KIF26B: variants seen among roughly 807,000 people sequenced by gnomAD.
The protein encoded by KIF26B is kinesin family member 26B, also known as kinesin-like protein KIF26B.
In KIF26B, 63 loss-of-function variants were observed where a neutral mutation model predicts 151.2. That is an observed-to-expected ratio of 0.42 (90% CI 0.34 to 0.51). The LOEUF (loss-of-function observed/expected upper bound fraction) is 0.51. Among genes scored for constraint, KIF26B ranks in the 20% least tolerant of loss-of-function variants. The pLI is 0.07. For missense variants in KIF26B, 2,813 were observed against 2,913.6 expected, an observed-to-expected ratio of 0.97 and a Z score of 0.79; for synonymous variants, 1,357 against 1,262.1, an observed-to-expected ratio of 1.08 and a Z score of -1.59.
rs79341193 is a variant in KIF26B, at chr1:245,185,054, G to A, written c.465+28371G>A. Among the ~76,000 whole-genome samples the A allele has an allele frequency of 9.8e-3, 1,485 of 152,056 alleles. 28 individuals carry two copies. Among genetic ancestry groups the A allele is most frequent in the African/African-American group, 0.034 (1,407 of 41,458 alleles). Reference sequence around the variant, plus strand: ...AGCGTTCAGAGCCAAATTTTTTATTGCTTCTCTGGGATTATGCTAATCATT... The same window carrying A: ...AGCGTTCAGAGCCAAATTTTTTATTACTTCTCTGGGATTATGCTAATCATT... On this transcript the variant is annotated intron_variant, in intron 2 of 14. Transcript: ENST00000407071.
chr1:245,380,443 C>T lies in KIF26B; in HGVS notation c.999+13076C>T, dbSNP rs561207200. On this transcript the variant is annotated intron_variant, in intron 3 of 14. Transcript: ENST00000407071. ...TCACCTTCACTAGGCTGCTCCCCAC[C>T]GTCCATTAGGCTGCAAGGCGCTGCG... 3.2e-4 allele frequency among the ~76,000 whole-genome samples: 48 copies of T among 152,356 alleles called. 1 individual carries two copies. The highest frequency in any genetic ancestry group is 1.1e-3 in the African/African-American group (45 of 41,574).
At chr1:245,533,173 A>C (rs909139382) in intron 4 of KIF26B, among the ~76,000 whole-genome samples, 3 of 152,188 alleles carry the variant, frequency 2.0e-5, no homozygotes, top group Non-Finnish European at 4.4e-5. Context: ...AGAACATTGA[A>C]ATAGTTCTAT....
intron 2 of KIF26B, among the ~76,000 whole-genome samples, chr1:245,306,990 A>G (rs771249818): frequency 1.3e-5 from 2 of 152,214 alleles, no homozygotes; most frequent in Non-Finnish European, 2.9e-5. Context: ...TACTGTTTTT[A>G]CTAATCTCTT....
intron 9 of KIF26B, among the ~76,000 whole-genome samples, chr1:245,637,487 T>C (rs1330661734): frequency 6.6e-6 from 1 of 152,108 alleles, no homozygotes; most frequent in African/African-American, 2.4e-5. Flanking sequence ...CTTTGTTGTT[T>C]CCTGTTCTGT....
At chr1:245,576,903 C>A (rs1362621121) in intron 5 of KIF26B, among the ~76,000 whole-genome samples, 1 of 152,158 alleles carries the variant, frequency 6.6e-6, no homozygotes, top group Non-Finnish European at 1.5e-5. Flanking sequence ...AATGCCATTT[C>A]TCACATCTTT....
chr1:245,609,500 T>A lies in KIF26B; in HGVS notation c.1886T>A (p.Leu629His), dbSNP rs1191411128. The A allele has an allele frequency of 1.3e-6, 2 of 1,580,600 alleles. No individual in the cohort carries two copies. Among genetic ancestry groups the A allele is most frequent in the Non-Finnish European group, 8.6e-7 (1 of 1,161,834 alleles). The change falls in exon 8 of 15, where the codon CTC (leucine) becomes CAC (histidine). Residue 629 changes from leucine (L) to histidine (H), a missense_variant. By Grantham distance (99) the Leu-to-His change is moderately conservative. Coordinates refer to ENST00000407071, the MANE Select transcript of KIF26B (RefSeq NM_018012.4). The part of the protein sequence containing the change: ...LQDGQSPGVY[L>H]CEDPICGTQL... ...GACGGCCAGTCCCCGGGCGTGTACC[T>A]CTGTGAGGACCCCATCTGCGGCACG...
chr1:245,256,365 A>G (rs1235300044), intron 2 of KIF26B, among the ~76,000 whole-genome samples: 2 of 152,204 alleles, frequency 1.3e-5, no homozygotes, highest in South Asian at 2.1e-4. Context: ...ACCTGGAAGC[A>G]AAATGTTGAA....
chr1:245,416,058 G>C (rs1674408242), intron 3 of KIF26B, among the ~76,000 whole-genome samples: 1 of 149,718 alleles, frequency 6.7e-6, no homozygotes, highest in African/African-American at 2.5e-5. Flanking sequence ...CCTGAGGTCG[G>C]GAGTTCGAGA....
intron 2 of KIF26B, among the ~76,000 whole-genome samples, chr1:245,204,474 A>G (rs891443380): frequency 1.3e-5 from 2 of 151,920 alleles, no homozygotes; most frequent in African/African-American, 4.8e-5. Flanking sequence ...CCCAGGTTCA[A>G]GCAATTCTCC....
chr1:245,374,936 G>A (rs867653036), intron 3 of KIF26B, among the ~76,000 whole-genome samples: 8 of 152,094 alleles, frequency 5.3e-5, no homozygotes, highest in Non-Finnish European at 7.3e-5. Context: ...CAATCTGGGC[G>A]TTTGCTTGGT....
In KIF26B at chr1:245,245,644, A is replaced by C. The variant is rs12022379; in HGVS notation, c.465+88961A>C. 3.6e-3 allele frequency among the ~76,000 whole-genome samples: 543 copies of C among 152,120 alleles called. 13 individuals are homozygous for C. In the East Asian group the frequency reaches 0.076, roughly 21 times the overall value. ...CATCTCTACAAAAATACAACAACAA[A>C]AAAAATTGCTGGGTGCGGTGGCTCA... On this transcript the variant is annotated intron_variant, in intron 2 of 14. Transcript: ENST00000407071.
chr1:245,348,803 G>A (rs974308824), intron 2 of KIF26B, among the ~76,000 whole-genome samples: 11 of 151,912 alleles, frequency 7.2e-5, no homozygotes, highest in African/African-American at 1.5e-4. Flanking sequence ...TCCCAGTTAC[G>A]CCAACTCGCC....
At chr1:245,497,830 G>A (rs543367136) in intron 4 of KIF26B, among the ~76,000 whole-genome samples, 4 of 152,086 alleles carry the variant, frequency 2.6e-5, no homozygotes, top group East Asian at 3.9e-4. Context: ...TGCAACCTCC[G>A]CCTCCTGGGT....
At chr1:245,630,438 T>C (rs1258007638) in intron 9 of KIF26B, among the ~76,000 whole-genome samples, 1 of 152,154 alleles carries the variant, frequency 6.6e-6, no homozygotes, top group Non-Finnish European at 1.5e-5. Flanking sequence ...TGCAGGGACA[T>C]GGATGAAGCT....
chr1:245,265,035 T>C (rs543557280), intron 2 of KIF26B, among the ~76,000 whole-genome samples: 2 of 150,298 alleles, frequency 1.3e-5, no homozygotes, highest in Non-Finnish European at 3.0e-5. Flanking sequence ...CCGTCTCTAC[T>C]AAAAATACAA....
intron 2 of KIF26B, among the ~76,000 whole-genome samples, chr1:245,366,293 G>T (rs1366783739): frequency 6.6e-6 from 1 of 152,182 alleles, no homozygotes; most frequent in African/African-American, 2.4e-5. Context: ...AGCACTTTGG[G>T]AGGCCGAGGC....
At chr1:245,196,580 A>C (rs1346428793) in intron 2 of KIF26B, among the ~76,000 whole-genome samples, 4 of 152,106 alleles carry the variant, frequency 2.6e-5, no homozygotes, top group Admixed American at 2.6e-4. Flanking sequence ...TGGGCCTCAG[A>C]ACTCGCATTT....
At chr1:245,261,878 C>T (rs115035764) in intron 2 of KIF26B, among the ~76,000 whole-genome samples, 517 of 152,144 alleles carry the variant, frequency 3.4e-3, no homozygotes, top group African/African-American at 0.012. Context: ...CCACCATGCC[C>T]GGCTCAACCC....
At position 245,327,205 on chromosome 1, in the gene KIF26B, C is replaced by A. The variant is rs531685793; in HGVS notation, c.466-39629C>A. The stretch of plus-strand genomic sequence containing the variant: ...TGAGGAGCCCTGAATCTCGAGCTTC[C>A]TTTAGCTTTACAGTGATTCAGTCTC... On this transcript the variant is annotated intron_variant, in intron 2 of 14. Coordinates refer to ENST00000407071, the MANE Select transcript of KIF26B (RefSeq NM_018012.4). Among the ~76,000 whole-genome samples, 9 of 152,324 alleles carry A rather than the reference C, an allele frequency of 5.9e-5. No individual in the cohort carries two copies. The East Asian group carries it at 1.7e-3, about 29-fold the overall frequency.
Sources: allele counts gnomAD v4.1 joint callset (sites outside exome capture counted in the v4.1 genomes callset), GRCh38; gene constraint gnomAD v4.1.1; transcripts MANE v1.5; gene names NCBI Gene and HGNC (gene_info 2026-07-23, HGNC 2026-07-21).